ABHD6: variants seen among roughly 807,000 people sequenced by gnomAD.
ABHD6 encodes monoacylglycerol lipase ABHD6.
Under a neutral mutation model 38.8 loss-of-function variants are expected in ABHD6, and 33 were observed. The observed-to-expected ratio is 0.85, with a 90% confidence interval of 0.64 to 1.14. ABHD6 has a LOEUF of 1.14. ABHD6 is among the 50% of genes most tolerant of loss of function. ABHD6 has a pLI of 0.00. For synonymous variants in ABHD6, 147 were observed against 161.6 expected (o/e 0.91, Z 0.69); for missense variants, 380 against 422.6 (o/e 0.90, Z 0.88).
chr3:58,294,654 A>G lies in ABHD6; in HGVS notation c.*889A>G, dbSNP rs2097466155. 1 of 152,630 alleles carries G rather than the reference A, an allele frequency of 6.6e-6. No individual in the cohort carries two copies. Among genetic ancestry groups the G allele is most frequent in the Non-Finnish European group, 1.5e-5 (1 of 68,036 alleles). 9.5% of individuals were successfully genotyped at this position (152,630 alleles called of 1,614,324 possible). ...GAATTCTGTGAATTCTGTGAAGAGTAATGTGATTGAAAATAAGTCTAAACA... is the reference window on the plus strand; with the variant it reads ...GAATTCTGTGAATTCTGTGAAGAGTGATGTGATTGAAAATAAGTCTAAACA... On this transcript the variant is annotated 3_prime_UTR_variant, in exon 10 of 10. Coordinates refer to ENST00000478253, the MANE Select transcript of ABHD6 (RefSeq NM_001320126.2).
chr3:58,282,434 C>T (rs779630511), intron 7 of ABHD6, among the ~76,000 whole-genome samples: 2 of 152,014 alleles, frequency 1.3e-5, no homozygotes, highest in African/African-American at 4.8e-5. Flanking sequence ...AGGTGACTTC[C>T]AGCACTTGAG....
chr3:58,263,837 T>A lies in ABHD6; in HGVS notation c.120-3352T>A, dbSNP rs943934036. Among the ~76,000 whole-genome samples the A allele has an allele frequency of 6.6e-6, 1 of 152,240 alleles. No homozygotes were observed. Among genetic ancestry groups the A allele is most frequent in the East Asian group, 1.9e-4 (1 of 5,194 alleles). On this transcript the variant is annotated intron_variant, in intron 3 of 9. Transcript: ENST00000478253. The surrounding 1 kb of genome is among the most constrained non-coding windows in gnomAD (Gnocchi z 4.9). Reference sequence around the variant, plus strand: ...TCCCAGTACCAAAAATAAAAAATAATAAATAATTTAAAAATAAAAAGGTAA... The same window carrying A: ...TCCCAGTACCAAAAATAAAAAATAAAAAATAATTTAAAAATAAAAAGGTAA...
chr3:58,269,509 G>A lies in ABHD6; in HGVS notation c.390+75G>A, dbSNP rs984983123. On this transcript the variant is annotated intron_variant, in intron 5 of 9. Transcript: ENST00000478253. The surrounding 1 kb of genome is among the most constrained non-coding windows in gnomAD (Gnocchi z 4.4). Reference sequence around the variant, plus strand: ...TACATGTCTGAGTCTGGAGAGCAGGGAAGGGAGTCCTGTGCTACCTCATGA... The same window carrying A: ...TACATGTCTGAGTCTGGAGAGCAGGAAAGGGAGTCCTGTGCTACCTCATGA... The A allele has an allele frequency of 6.7e-6, 8 of 1,185,392 alleles. No homozygotes were observed. The highest frequency in any genetic ancestry group is 8.6e-6 in the Non-Finnish European group (7 of 810,222). The allele number at this position is 1,185,392 out of a possible 1,614,324, so 73.4% of individuals were successfully genotyped here. A position where few individuals can be genotyped will look rare whatever the true frequency, so the allele number is the denominator to read the frequency against.
rs116009307 is a variant in ABHD6, at chr3:58,287,232, C to T, written c.837+1779C>T. Among the ~76,000 whole-genome samples the T allele has an allele frequency of 3.4e-3, 512 of 152,118 alleles. 6 individuals are homozygous for T. The highest frequency in any genetic ancestry group is 0.011 in the African/African-American group (473 of 41,480). ...CCAGGACATGGAGGTGGCAGTGAGC[C>T]GTGATTGCTTCACTGCACACCAGCC... On this transcript the variant is annotated intron_variant, in intron 9 of 9. Coordinates refer to ENST00000478253, the MANE Select transcript of ABHD6 (RefSeq NM_001320126.2). The surrounding 1 kb of genome is among the most constrained non-coding windows in gnomAD (Gnocchi z 4.7).
intron 2 of ABHD6, among the ~76,000 whole-genome samples, chr3:58,254,862 A>G (rs980912304): frequency 6.4e-4 from 96 of 150,472 alleles, no homozygotes; most frequent in African/African-American, 2.2e-3. Context: ...ACACACACAC[A>G]CACACACACA....
rs1253730303 is a variant in ABHD6, at chr3:58,287,492, G to A, written c.837+2039G>A. ...AGGCAATGGTGTCTTAGATGAGCCA[G>A]GCATGGTGAGGATTCACAGCATGGT... On this transcript the variant is annotated intron_variant, in intron 9 of 9. Transcript: ENST00000478253. The surrounding 1 kb of genome is among the most constrained non-coding windows in gnomAD (Gnocchi z 4.7). Among the ~76,000 whole-genome samples the A allele has an allele frequency of 1.3e-5, 2 of 152,190 alleles. No homozygotes were observed. The highest frequency in any genetic ancestry group is 2.9e-5 in the Non-Finnish European group (2 of 68,036).
Position 58,265,410 on chromosome 3 carries a change from C to A in ABHD6, c.120-1779C>A, listed in dbSNP as rs9847192. On this transcript the variant is annotated intron_variant, in intron 3 of 9. Transcript: ENST00000478253. This position sits in a 1 kb window ranked among gnomAD's most constrained non-coding sequence, Gnocchi z 4.2. Reference sequence around the variant, plus strand: ...CATTCTGCAGCTGTCATATTCATTGCAAATATTTCCCCTAATTTTTCCTTT... The same window carrying A: ...CATTCTGCAGCTGTCATATTCATTGAAAATATTTCCCCTAATTTTTCCTTT... Among the ~76,000 whole-genome samples, 1 of 152,040 alleles carries A rather than the reference C, an allele frequency of 6.6e-6. No homozygotes were observed. The highest frequency in any genetic ancestry group is 1.5e-5 in the Non-Finnish European group (1 of 68,008).
At chr3:58,274,401 G>A (rs1288477936) in intron 6 of ABHD6, among the ~76,000 whole-genome samples, 2 of 152,210 alleles carry the variant, frequency 1.3e-5, no homozygotes, top group African/African-American at 2.4e-5. Context: ...TGCATTTCTT[G>A]TGGGCTTTTG....
chr3:58,274,787 C>T lies in ABHD6; in HGVS notation c.653C>T (p.Ser218Phe). The T allele has an allele frequency of 6.2e-7, 1 of 1,614,152 alleles. No individual in the cohort carries two copies. Among genetic ancestry groups the T allele is most frequent in the East Asian group, 2.2e-5 (1 of 44,894 alleles). The change falls in exon 7 of 10, where the codon TCC becomes TTC. Residue 218 changes from serine to phenylalanine, a missense_variant. Transcript: ENST00000478253. ...ATGAGTGAAATGCTTCAGCTCTGCTCCTATGTCCGCTTCAAGGTGCCCCAG... is the reference window on the plus strand; with the variant it reads ...ATGAGTGAAATGCTTCAGCTCTGCTTCTATGTCCGCTTCAAGGTGCCCCAG... ...EEMSEMLQLC[S>F]YVRFKVPQQI...
chr3:58,280,738 T>G (rs749824438), intron 7 of ABHD6, among the ~76,000 whole-genome samples: 6 of 152,362 alleles, frequency 3.9e-5, no homozygotes, highest in Non-Finnish European at 8.8e-5. Context: ...TGTATCTACC[T>G]TTGGTCTTTT....
chr3:58,240,439 G>T (rs926447920), intron 1 of ABHD6, among the ~76,000 whole-genome samples: 1 of 151,848 alleles, frequency 6.6e-6, no homozygotes, highest in African/African-American at 2.4e-5. Context: ...AATTATTACC[G>T]TGATGAGTGT....
intron 7 of ABHD6, among the ~76,000 whole-genome samples, chr3:58,282,957 T>A (rs1417571608): frequency 6.6e-6 from 1 of 152,150 alleles, no homozygotes; most frequent in Non-Finnish European, 1.5e-5. Context: ...TGGGACTGAA[T>A]GAAGTCATCT....
In ABHD6 at chr3:58,251,824, A is replaced by G. The variant is rs984326228; in HGVS notation, c.-26+1882A>G. ...ATAAAATGAAGTGTTTTTCTTTTTC[A>G]GTGTATTCAGTCAGGCGATAAACAT... On this transcript the variant is annotated intron_variant, in intron 2 of 9. Coordinates refer to ENST00000478253, the MANE Select transcript of ABHD6 (RefSeq NM_001320126.2). The surrounding 1 kb of genome is among the most constrained non-coding windows in gnomAD (Gnocchi z 5.4). Among the ~76,000 whole-genome samples the G allele has an allele frequency of 6.6e-6, 1 of 152,138 alleles. No homozygotes were observed. The highest frequency in any genetic ancestry group is 1.5e-5 in the Non-Finnish European group (1 of 68,016).
intron 7 of ABHD6, among the ~76,000 whole-genome samples, chr3:58,284,593 G>C (rs931168319): frequency 6.6e-6 from 1 of 151,912 alleles, no homozygotes; most frequent in Non-Finnish European, 1.5e-5. Context: ...TGGGATTACA[G>C]GCCTGCACCA....
chr3:58,247,728 C>T (rs538585569), intron 1 of ABHD6, among the ~76,000 whole-genome samples: 10 of 152,296 alleles, frequency 6.6e-5, no homozygotes, highest in Middle Eastern at 3.4e-3. Context: ...GCGCACACCA[C>T]CACGCCTGGC....
At chr3:58,288,256 A>G (rs1575532892) in intron 9 of ABHD6, among the ~76,000 whole-genome samples, 1 of 152,160 alleles carries the variant, frequency 6.6e-6, no homozygotes, top group Admixed American at 6.5e-5. Flanking sequence ...TACCAGGCCA[A>G]ATTCAGCTTC....
chr3:58,255,224 T>A (rs17059086), intron 2 of ABHD6, among the ~76,000 whole-genome samples: 17,441 of 152,218 alleles, frequency 0.11, 1,296 homozygotes, highest in African/African-American at 0.2. Context: ...CATCAGAAAG[T>A]ACACTGAAAA....
At chr3:58,247,382 A>G (rs1471496099) in intron 1 of ABHD6, among the ~76,000 whole-genome samples, 4 of 152,260 alleles carry the variant, frequency 2.6e-5, no homozygotes, top group East Asian at 3.9e-4. Flanking sequence ...CTGCTGTCCA[A>G]TATGATAACC....
intron 3 of ABHD6, among the ~76,000 whole-genome samples, chr3:58,261,811 C>T (rs1176137720): frequency 6.6e-6 from 1 of 152,172 alleles, no homozygotes; most frequent in African/African-American, 2.4e-5. Flanking sequence ...GAAAGTTATA[C>T]ATTTAACGTA....
Sources: allele counts gnomAD v4.1 joint callset (sites outside exome capture counted in the v4.1 genomes callset), GRCh38; gene constraint gnomAD v4.1.1; non-coding constraint Gnocchi (gnomAD v3.1); transcripts MANE v1.5; gene names NCBI Gene and HGNC (gene_info 2026-07-23, HGNC 2026-07-21).